Variants in C2orf74 observed in about 807,000 individuals in gnomAD.
C2orf74 encodes the protein uncharacterized protein C2orf74.
A neutral mutation model predicts 17.9 loss-of-function variants in C2orf74; 14 were observed. The observed-to-expected ratio is 0.78, with a 90% CI of 0.52 to 1.22. The LOEUF is 1.22. Ranked by LOEUF, C2orf74 falls within the 50% of genes most tolerant of loss-of-function variation. The pLI is 0.00. For synonymous variants in C2orf74, 79 were observed against 72.6 expected (o/e 1.09, Z -0.44); for missense variants, 217 against 218.4 (o/e 0.99, Z 0.04).
intron 1 of C2orf74, among the ~76,000 whole-genome samples, chr2:61,148,276 C>G (rs1466513713): frequency 1.3e-5 from 2 of 150,700 alleles, no homozygotes; most frequent in Non-Finnish European, 3.0e-5. Context: ...AACCTCCGCC[C>G]CCTGGCTTCA....
chr2:61,154,834 C>A (rs1228612641), intron 1 of C2orf74, among the ~76,000 whole-genome samples: 1 of 151,842 alleles, frequency 6.6e-6, no homozygotes, highest in South Asian at 2.1e-4. Flanking sequence ...GTAGGCGGAT[C>A]GCTTGAGGTC....
At chr2:61,145,643 G>T (rs1451501789) in intron 1 of C2orf74, among the ~76,000 whole-genome samples, 3 of 152,082 alleles carry the variant, frequency 2.0e-5, no homozygotes, top group Non-Finnish European at 4.4e-5. Flanking sequence ...GGCTGGTCTC[G>T]AACTCCTGAC....
chr2:61,148,084 T>G (rs1685123283), intron 1 of C2orf74, among the ~76,000 whole-genome samples: 1 of 149,894 alleles, frequency 6.7e-6, no homozygotes. Flanking sequence ...GTTTTGTTTT[T>G]AACTTTGGAA....
intron 1 of C2orf74, among the ~76,000 whole-genome samples, chr2:61,156,247 A>C (rs1685387452): frequency 6.6e-6 from 1 of 152,044 alleles, no homozygotes; most frequent in Admixed American, 6.6e-5. Context: ...AATAGAAGTT[A>C]AAATAATCAG....
chr2:61,145,987 A>T lies in C2orf74; in HGVS notation c.-122+791A>T, dbSNP rs79136873. ...CAGAATGCAGCAATCCTTAGTGGTT[A>T]TCAAAACCACACTGAATAATATTTG... On this transcript the variant is annotated intron_variant, in intron 1 of 3. Transcript: ENST00000426997. Among the ~76,000 whole-genome samples, 1,387 of 152,352 alleles carry T rather than the reference A, an allele frequency of 9.1e-3. 15 individuals carry two copies. Among genetic ancestry groups the T allele is most frequent in the Non-Finnish European group, 0.014 (923 of 68,032 alleles).
intron 4 of C2orf74, among the ~76,000 whole-genome samples, chr2:61,163,587 G>C (rs1237398049): frequency 6.6e-6 from 1 of 151,216 alleles, no homozygotes; most frequent in Admixed American, 6.6e-5. Context: ...GGTGACAGAG[G>C]GAGACTCCAT....
At chr2:61,159,601 C>G (rs1322649486), upstream of C2orf74, among the ~76,000 whole-genome samples, 1 of 152,096 alleles carries the variant, frequency 6.6e-6, no homozygotes, top group Non-Finnish European at 1.5e-5. Flanking sequence ...AGGCCAAGAA[C>G]TAAGTCTTAA....
At chr2:61,150,598 C>T (rs1349756830) in intron 1 of C2orf74, among the ~76,000 whole-genome samples, 1 of 152,124 alleles carries the variant, frequency 6.6e-6, no homozygotes, top group Non-Finnish European at 1.5e-5. Flanking sequence ...GATGCAGCTA[C>T]AAGAGGAGAC....
chr2:61,153,028 T>C lies in C2orf74; in HGVS notation c.-122+7832T>C, dbSNP rs1396262002. On this transcript the variant is annotated intron_variant, in intron 1 of 3. Transcript: ENST00000426997. Reference sequence around the variant, plus strand: ...TTAGCCGGGCGTTGTAGTGCATGCCTGTAATCCCAGCTACTCGGGAGGCTG... The same window carrying C: ...TTAGCCGGGCGTTGTAGTGCATGCCCGTAATCCCAGCTACTCGGGAGGCTG... 2.0e-5 allele frequency among the ~76,000 whole-genome samples: 3 copies of C among 151,344 alleles called. No individual in the cohort carries two copies. In the East Asian group the frequency reaches 5.9e-4, roughly 30 times the overall value.
At chr2:61,155,272 G>C (rs1158303106) in intron 1 of C2orf74, among the ~76,000 whole-genome samples, 1 of 152,124 alleles carries the variant, frequency 6.6e-6, no homozygotes, top group East Asian at 1.9e-4. Context: ...AAATTGCTTT[G>C]AGTCAGAAAA....
At chr2:61,150,007 C>T (rs564738570) in intron 1 of C2orf74, among the ~76,000 whole-genome samples, 37 of 152,216 alleles carry the variant, frequency 2.4e-4, no homozygotes, top group East Asian at 5.8e-4. Context: ...TGGCCTTTCC[C>T]GGGACTAGGT....
chr2:61,155,816 G>A (rs1430964332), intron 1 of C2orf74, among the ~76,000 whole-genome samples: 1 of 137,998 alleles, frequency 7.2e-6, no homozygotes, highest in Non-Finnish European at 1.5e-5. Context: ...CACCGTGCCC[G>A]GCCCCAGAAA....
chr2:61,147,760 C>G (rs1335658269), intron 1 of C2orf74, among the ~76,000 whole-genome samples: 3 of 151,806 alleles, frequency 2.0e-5, no homozygotes, highest in Non-Finnish European at 4.4e-5. Context: ...TGTGGGTTGC[C>G]TTTTTGTTTG....
intron 1 of C2orf74, chr2:61,152,013 T>C (rs1239717946): frequency 6.6e-6 from 1 of 152,284 alleles, no homozygotes; most frequent in Non-Finnish European, 1.5e-5. Context: ...CTCCCTTTTG[T>C]GGATTAGAGG....
chr2:61,159,872 G>C (rs1685510274), upstream of C2orf74, among the ~76,000 whole-genome samples: 1 of 152,128 alleles, frequency 6.6e-6, no homozygotes, highest in Non-Finnish European at 1.5e-5. Flanking sequence ...GCAGTTCAGT[G>C]GTATTAAGTA....
chr2:61,145,129 T>C (rs533520342), exon 1 of C2orf74: 9 of 152,438 alleles, frequency 5.9e-5, no homozygotes, highest in Non-Finnish European at 1.2e-4. Flanking sequence ...TCCGAGGACA[T>C]GTTGACGTCG....
In C2orf74 at chr2:61,164,726, A is replaced by T. The variant is rs1559193771; in HGVS notation, c.*199A>T. 2.4e-6 allele frequency: 1 copy of T among 410,352 alleles called. No individual in the cohort carries two copies. The highest frequency in any genetic ancestry group is 4.2e-6 in the Non-Finnish European group (1 of 237,630). 25.4% of individuals were successfully genotyped at this position (410,352 alleles called of 1,614,324 possible). On this transcript the variant is annotated 3_prime_UTR_variant, in exon 5 of 5. Coordinates refer to ENST00000432605, the MANE Select transcript of C2orf74 (RefSeq NM_001143959.4). ...ACTTAGAGCTTGAATATAATTTTTT[A>T]AAAATTCAAATCTGAGTTCAAGAAA... is the stretch of plus-strand genomic sequence containing the variant.
upstream of C2orf74, chr2:61,157,974 C>T (rs1456965334): frequency 4.2e-6 from 2 of 471,126 alleles, no homozygotes; most frequent in African/African-American, 2.0e-5. Flanking sequence ...CGAGTGGACA[C>T]CCTCTGGCCA....
chr2:61,150,006 C>T (rs900071347), intron 1 of C2orf74, among the ~76,000 whole-genome samples: 3 of 152,100 alleles, frequency 2.0e-5, no homozygotes, highest in Admixed American at 2.0e-4. Context: ...ATGGCCTTTC[C>T]CGGGACTAGG....
Sources: allele counts gnomAD v4.1 joint callset (sites outside exome capture counted in the v4.1 genomes callset), GRCh38; gene constraint gnomAD v4.1.1; transcripts MANE v1.5; gene names NCBI Gene and HGNC (gene_info 2026-07-23, HGNC 2026-07-21).